Variants in TIPARP observed in about 807,000 individuals in gnomAD.
The protein encoded by TIPARP is TCDD inducible poly(ADP-ribose) polymerase.
In TIPARP, 12 loss-of-function variants were observed where a neutral mutation model predicts 56.5. The observed-to-expected ratio is 0.21, with a 90% CI of 0.14 to 0.34. The LOEUF (loss-of-function observed/expected upper bound fraction) is 0.34. Among genes scored for constraint, TIPARP ranks in the 10% least tolerant of loss-of-function variants. TIPARP has a pLI of 1.00. For synonymous variants in TIPARP, 296 were observed against 265.7 expected, an observed-to-expected ratio of 1.11 and a Z score of -1.11; for missense variants, 604 against 781.6, an observed-to-expected ratio of 0.77 and a Z score of 2.71.
intron 2 of TIPARP, among the ~76,000 whole-genome samples, chr3:156,686,988 C>T (rs1259636946): frequency 1.3e-5 from 2 of 151,988 alleles, no homozygotes; most frequent in Non-Finnish European, 2.9e-5. Context: ...TTATTGTTTA[C>T]TTTGAGATAA....
At chr3:156,689,982 T>C (rs538105669) in intron 2 of TIPARP, among the ~76,000 whole-genome samples, 24 of 152,336 alleles carry the variant, frequency 1.6e-4, no homozygotes, top group African/African-American at 5.3e-4. Flanking sequence ...TCCCACTAGA[T>C]TGGTGCTCTG....
At chr3:156,687,929 C>T (rs2108491230) in intron 2 of TIPARP, among the ~76,000 whole-genome samples, 1 of 152,244 alleles carries the variant, frequency 6.6e-6, no homozygotes, top group East Asian at 1.9e-4. Flanking sequence ...GCAACAAGGC[C>T]TAATGATCAC....
Position 156,703,362 on chromosome 3 carries a change from A to G in TIPARP, c.1248-62A>G, listed in dbSNP as rs1159558890. On this transcript the variant is annotated intron_variant, in intron 4 of 5. Transcript: ENST00000295924. Reference sequence around the variant, plus strand: ...TAAGTAGACACTGATATAGATCACTATAATGTGAGGTGTACTTATTTCTTA... The same window carrying G: ...TAAGTAGACACTGATATAGATCACTGTAATGTGAGGTGTACTTATTTCTTA... The G allele has an allele frequency of 4.6e-6, 7 of 1,526,942 alleles. No individual in the cohort carries two copies. In the South Asian group the frequency reaches 4.9e-5, roughly 11 times the overall value. 94.6% of individuals were successfully genotyped at this position (1,526,942 alleles called of 1,614,324 possible). A position where few individuals can be genotyped will look rare whatever the true frequency, so the allele number is the denominator to read the frequency against.
intron 2 of TIPARP, among the ~76,000 whole-genome samples, chr3:156,688,888 ATCTT>A (rs1245684357): frequency 6.6e-6 from 1 of 152,192 alleles, no homozygotes; most frequent in Non-Finnish European, 1.5e-5. Flanking sequence ...TTTAATCTTT[ATCTT>A]TCTATCATTA....
At position 156,677,722 on chromosome 3, in the gene TIPARP, G is replaced by C. The variant is rs546558483; in HGVS notation, c.25G>C (p.Glu9Gln). Residue 9 changes from glutamate to glutamine, a missense_variant, in exon 2 of 6, where the codon GAG (glutamate) becomes CAG (glutamine). By Grantham distance (29) the Glu-to-Gln change is conservative. Around this residue, in one of 4 missense-constraint regions of TIPARP, gnomAD observed 261 missense variants for 279.2 expected, o/e 0.93. Coordinates refer to ENST00000295924, the MANE Select transcript of TIPARP (RefSeq NM_015508.5). Reference protein sequence around the residue: MEMETTEPEPDCVVQPPSP... With the variant: MEMETTEPQPDCVVQPPSP... ...TATGGAAATGGAAACCACCGAACCT[G>C]AGCCAGACTGTGTAGTGCAGCCTCC... The C allele has an allele frequency of 1.2e-5, 19 of 1,603,852 alleles. No individual in the cohort carries two copies. The East Asian group carries it at 4.0e-4, about 34-fold the overall frequency.
chr3:156,696,068 T>C (rs1722708856), intron 4 of TIPARP, 43 bp downstream of exon 4: 3 of 1,578,538 alleles, frequency 1.9e-6, no homozygotes, highest in African/African-American at 1.4e-5. Flanking sequence ...TCTCATTTTA[T>C]GTAAATGCAT....
rs747722067 is a variant in TIPARP, at chr3:156,678,052, G to A, written c.355G>A (p.Asp119Asn). 28 of 1,613,932 alleles carry A rather than the reference G, an allele frequency of 1.7e-5. No homozygotes were observed. Among genetic ancestry groups the A allele is most frequent in the Non-Finnish European group, 2.4e-5 (28 of 1,180,036 alleles). Residue 119 changes from aspartate to asparagine, a missense_variant, in exon 2 of 6, where the codon GAC becomes AAC. Transcript: ENST00000295924. ...VLIPDRTNVGDQIPEAHPSTE... is the reference protein window; with the variant it reads ...VLIPDRTNVGNQIPEAHPSTE... ...GATTCCTGATAGGACAAATGTTGGG[G>A]ACCAGATACCGGAAGCCCATCCTTC...
At chr3:156,697,524 A>T (rs1722745710) in intron 4 of TIPARP, among the ~76,000 whole-genome samples, 1 of 150,078 alleles carries the variant, frequency 6.7e-6, no homozygotes, top group African/African-American at 2.5e-5. Context: ...TGCCTTCATT[A>T]TACAGGCATA....
chr3:156,686,867 A>G (rs1577036653), intron 2 of TIPARP, among the ~76,000 whole-genome samples: 1 of 152,256 alleles, frequency 6.6e-6, no homozygotes, highest in Non-Finnish European at 1.5e-5. Context: ...ATATTTATGT[A>G]GAAAAAATTA....
rs1351721255 is a variant in TIPARP at position 156,705,310 on chromosome 3, C to T, written c.*179C>T. ...AAAAAAAATACAAGTTTTAAAATGA[C>T]CACTTACTCTTTAATTATTTACTAA... On this transcript the variant is annotated 3_prime_UTR_variant, in exon 6 of 6. Transcript: ENST00000295924. 7.4e-6 allele frequency: 4 copies of T among 543,688 alleles called. No individual in the cohort carries two copies. Among genetic ancestry groups the T allele is most frequent in the African/African-American group, 1.9e-5 (1 of 52,628 alleles). 33.7% of individuals were successfully genotyped at this position (543,688 alleles called of 1,614,324 possible).
intron 2 of TIPARP, among the ~76,000 whole-genome samples, chr3:156,693,060 A>G (rs1722616761): frequency 6.6e-6 from 1 of 152,192 alleles, no homozygotes; most frequent in Non-Finnish European, 1.5e-5. Flanking sequence ...TGTGTTGTAG[A>G]CATCCATTTA....
intron 2 of TIPARP, chr3:156,681,079 A>G (rs946778524): frequency 6.6e-6 from 3 of 452,178 alleles, no homozygotes; most frequent in African/African-American, 4.0e-5. Flanking sequence ...GGTCATTGCA[A>G]CCTGGTTTTC....
chr3:156,684,623 G>T (rs1722386186), intron 2 of TIPARP, among the ~76,000 whole-genome samples: 1 of 152,102 alleles, frequency 6.6e-6, no homozygotes, highest in African/African-American at 2.4e-5. Context: ...GTAGAGACAG[G>T]GTTTCTCTAT....
At chr3:156,703,237 T>G (rs1315532706) in intron 4 of TIPARP, among the ~76,000 whole-genome samples, 187 bp from the exon 5 acceptor site, 2 of 152,220 alleles carry the variant, frequency 1.3e-5, no homozygotes, top group Non-Finnish European at 2.9e-5. Flanking sequence ...AATAGGTTAT[T>G]CATGTACAGG....
At chr3:156,687,751 G>C (rs1314264158) in intron 2 of TIPARP, among the ~76,000 whole-genome samples, 1 of 152,072 alleles carries the variant, frequency 6.6e-6, no homozygotes, top group Non-Finnish European at 1.5e-5. Context: ...ATTTCACTGG[G>C]TTCACTTCTA....
chr3:156,705,411 A>G lies in TIPARP; in HGVS notation c.*280A>G, dbSNP rs1213838150. On this transcript the variant is annotated 3_prime_UTR_variant, in exon 6 of 6. Coordinates refer to ENST00000295924, the MANE Select transcript of TIPARP (RefSeq NM_015508.5). The stretch of plus-strand genomic sequence containing the variant: ...TTCACACTTGTACATATAGACAGCA[A>G]TGTTATTAGGAGCATTAAATTAAAA... 9 of 235,426 alleles carry G rather than the reference A, an allele frequency of 3.8e-5. No individual in the cohort carries two copies. Among genetic ancestry groups the G allele is most frequent in the Non-Finnish European group, 3.3e-5 (4 of 120,732 alleles). 14.6% of individuals were successfully genotyped at this position (235,426 alleles called of 1,614,324 possible).
chr3:156,695,443 T>G (rs1483914858), intron 3 of TIPARP, among the ~76,000 whole-genome samples: 1 of 152,052 alleles, frequency 6.6e-6, no homozygotes, highest in Non-Finnish European at 1.5e-5. Flanking sequence ...AGTCTCGAAC[T>G]CCTGGCCTCA....
intron 2 of TIPARP, among the ~76,000 whole-genome samples, chr3:156,687,498 A>G (rs1390411114): frequency 6.6e-6 from 1 of 152,208 alleles, no homozygotes; most frequent in African/African-American, 2.4e-5. Context: ...TTCCTTAAGT[A>G]GATACTGTAA....
Position 156,705,019 on chromosome 3 carries a change from C to G in TIPARP, c.1862C>G (p.Ser621Cys). Reference sequence around the variant, plus strand: ...AGTGTCACCAGTGACCTTTATGACTCTTGTGTGGATAATTTCTTTGAGCCT... The same window carrying G: ...AGTGTCACCAGTGACCTTTATGACTGTTGTGTGGATAATTTCTTTGAGCCT... ...PGSVTSDLYD[S>C]CVDNFFEPQI... is the part of the protein sequence containing the mutation. The change falls in exon 6 of 6, where the codon TCT becomes TGT. Residue 621 changes from serine (S) to cysteine (C), a missense_variant. Ser to Cys is a moderately radical substitution (Grantham distance 112). This residue lies in a region of TIPARP where 77 missense variants were observed against 161.0 expected (regional missense o/e 0.48). Transcript: ENST00000295924. 6.2e-7 allele frequency: 1 copy of G among 1,614,084 alleles called. No individual in the cohort carries two copies. Among genetic ancestry groups the G allele is most frequent in the Non-Finnish European group, 8.5e-7 (1 of 1,179,966 alleles).
Sources: gnomAD v4.1 joint callset for allele counts (sites outside exome capture counted in the v4.1 genomes callset) on GRCh38, gnomAD v4.1.1 for gene constraint, gnomAD v4.1.1 regional missense constraint, MANE v1.5 for transcripts, NCBI Gene and HGNC (gene_info 2026-07-23, HGNC 2026-07-21) for gene names.